Variants in CECR2 observed in about 807,000 individuals in gnomAD.
CECR2 encodes chromatin remodeling regulator CECR2.
CECR2 carries 30 observed loss-of-function variants against 154.5 expected under a neutral mutation model. The ratio of observed to expected loss-of-function variants is 0.19; its 90% CI spans 0.15 to 0.26. The LOEUF (loss-of-function observed/expected upper bound fraction) is 0.26. Ranked by LOEUF, CECR2 falls within the 10% of genes least tolerant of loss-of-function variation. The probability of loss-of-function intolerance (pLI) is 1.00; values close to 1 mark genes in which losing one functional copy is unlikely to be tolerated. For missense variants in CECR2, 1,743 were observed against 1,829.3 expected (o/e 0.95, Z 0.86); for synonymous variants, 725 against 683.7 (o/e 1.06, Z -0.94).
chr22:17,476,111 T>C (rs1345826898), intron 1 of CECR2, among the ~76,000 whole-genome samples: 1 of 150,524 alleles, frequency 6.6e-6, no homozygotes, highest in Admixed American at 6.7e-5. Flanking sequence ...CTGAACCTAA[T>C]ATCCTCCTGC....
chr22:17,542,612 G>C lies in CECR2; in HGVS notation c.2469G>C (p.Trp823Cys), dbSNP rs1172166838. The change falls in exon 16 of 19, where the codon TGG (tryptophan) becomes TGC (cysteine). Residue 823 changes from tryptophan (W) to cysteine (C), a missense_variant. Trp to Cys is a radical substitution (Grantham distance 215). Transcript: ENST00000262608. ...VMRPPVPPNQ[W>C]TEQSGFLPHG... ...GACCACCTGTCCCCCCCAACCAGTG[G>C]ACTGAACAATCAGGCTTCCTACCTC... is the stretch of plus-strand genomic sequence containing the variant. 2.5e-6 allele frequency: 4 copies of C among 1,613,984 alleles called. No homozygotes were observed. Among genetic ancestry groups the C allele is most frequent in the Non-Finnish European group, 3.4e-6 (4 of 1,179,878 alleles).
chr22:17,503,052 T>A (rs764452149), intron 5 of CECR2, 30 bp from the exon 6 acceptor site: 27 of 1,605,526 alleles, frequency 1.7e-5, no homozygotes, highest in Non-Finnish European at 2.3e-5. Flanking sequence ...GTCTTTGTTT[T>A]AATTGGCACC....
intron 1 of CECR2, chr22:17,424,427 C>T: frequency 5.5e-6 from 1 of 182,222 alleles, no homozygotes; most frequent in East Asian, 1.5e-4. Flanking sequence ...GGAGACATCT[C>T]TCCACACTTG....
intron 9 of CECR2, among the ~76,000 whole-genome samples, chr22:17,525,753 TG>T (rs552386285): frequency 1.2e-3 from 184 of 152,356 alleles, no homozygotes; most frequent in Non-Finnish European, 2.0e-3. Context: ...GGCTTTTATT[TG>T]TTTATATTTT....
At chr22:17,414,659 TC>T (rs34907289) in intron 1 of CECR2, among the ~76,000 whole-genome samples, 1 of 150,680 alleles carries the variant, frequency 6.6e-6, no homozygotes, top group Non-Finnish European at 1.5e-5. Flanking sequence ...ATGGTATCCC[TC>T]CCCCTCCCCC....
intron 1 of CECR2, among the ~76,000 whole-genome samples, chr22:17,421,267 C>A (rs1004053474): frequency 6.6e-6 from 1 of 151,108 alleles, no homozygotes; most frequent in African/African-American, 2.4e-5. Context: ...GATCACAATT[C>A]GGACCAGCCT....
chr22:17,431,986 A>G (rs1233933040), intron 1 of CECR2, among the ~76,000 whole-genome samples: 2 of 152,194 alleles, frequency 1.3e-5, no homozygotes, highest in East Asian at 1.9e-4. Flanking sequence ...TTGTGCCTGT[A>G]TGGATTTTGC....
At chr22:17,389,013 A>G (rs746209862) in intron 1 of CECR2, among the ~76,000 whole-genome samples, 3 of 152,086 alleles carry the variant, frequency 2.0e-5, no homozygotes, top group Non-Finnish European at 2.9e-5. Flanking sequence ...GGGTTTCACC[A>G]TGTTGGCCAG....
chr22:17,449,635 G>A (rs928587047), intron 1 of CECR2, among the ~76,000 whole-genome samples: 10 of 151,686 alleles, frequency 6.6e-5, no homozygotes, highest in African/African-American at 9.7e-5. Flanking sequence ...GACTACAGGC[G>A]CCCGCCACCA....
At chr22:17,377,682 A>G (rs2063133717) in intron 1 of CECR2, among the ~76,000 whole-genome samples, 1 of 152,160 alleles carries the variant, frequency 6.6e-6, no homozygotes, top group African/African-American at 2.4e-5. Flanking sequence ...ACCTTTTCAG[A>G]TGGCTGCTAC....
At chr22:17,467,549 C>T (rs983648936) in intron 1 of CECR2, among the ~76,000 whole-genome samples, 18 of 152,028 alleles carry the variant, frequency 1.2e-4, no homozygotes, top group Non-Finnish European at 2.1e-4. Flanking sequence ...TTTGGGAGGC[C>T]GAGGCTGGCA....
intron 1 of CECR2, among the ~76,000 whole-genome samples, chr22:17,415,184 G>C (rs1569067479): frequency 6.6e-6 from 1 of 152,020 alleles, no homozygotes; most frequent in Non-Finnish European, 1.5e-5. Flanking sequence ...CTCAGTTATT[G>C]ACTTTTCTTT....
intron 9 of CECR2, among the ~76,000 whole-genome samples, chr22:17,535,077 G>A (rs1005019553): frequency 6.6e-6 from 1 of 151,860 alleles, no homozygotes; most frequent in Non-Finnish European, 1.5e-5. Flanking sequence ...CGTGAACCCA[G>A]GAGGCGGAGC....
intron 2 of CECR2, among the ~76,000 whole-genome samples, chr22:17,484,626 C>T (rs2055388281): frequency 6.6e-6 from 1 of 151,892 alleles, no homozygotes; most frequent in South Asian, 2.1e-4. Context: ...GGAGGTCTGG[C>T]GCAACGTCTC....
At chr22:17,480,449 C>CAG (rs2055288732) in intron 2 of CECR2, among the ~76,000 whole-genome samples, 15 of 148,454 alleles carry the variant, frequency 1.0e-4, no homozygotes, top group African/African-American at 3.4e-4. Context: ...CACACACACA[C>CAG]ACACACACAC....
At chr22:17,386,655 CTTT>C (rs199708695) in intron 1 of CECR2, among the ~76,000 whole-genome samples, 5 of 139,874 alleles carry the variant, frequency 3.6e-5, no homozygotes, top group African/African-American at 5.2e-5. Context: ...AGAAATGTGC[CTTT>C]TTTTTTTTTT....
At chr22:17,389,552 CCTT>C (rs2063303811) in intron 1 of CECR2, among the ~76,000 whole-genome samples, 1 of 152,112 alleles carries the variant, frequency 6.6e-6, no homozygotes, top group Non-Finnish European at 1.5e-5. Flanking sequence ...CTCAAGCAAT[CCTT>C]CTGACTCAGC....
chr22:17,484,209 CA>C (rs1327133720), intron 2 of CECR2, among the ~76,000 whole-genome samples: 17 of 152,278 alleles, frequency 1.1e-4, no homozygotes, highest in African/African-American at 4.1e-4. Context: ...CCCTCACTTG[CA>C]ACAGAGTCTC....
intron 1 of CECR2, among the ~76,000 whole-genome samples, chr22:17,471,638 C>T (rs1237884024): frequency 2.0e-5 from 3 of 151,946 alleles, no homozygotes; most frequent in African/African-American, 4.8e-5. Context: ...CGGGTTCAGG[C>T]GATTCTCCTG....
Sources: gnomAD v4.1 joint callset for allele counts (sites outside exome capture counted in the v4.1 genomes callset) on GRCh38, gnomAD v4.1.1 for gene constraint, MANE v1.5 for transcripts, NCBI Gene and HGNC (gene_info 2026-07-23, HGNC 2026-07-21) for gene names.